MDGA2: variants seen among roughly 807,000 people sequenced by gnomAD.
The protein encoded by MDGA2 is MAM domain-containing glycosylphosphatidylinositol anchor protein 2.
A neutral mutation model predicts 117.8 loss-of-function variants in MDGA2; 40 were observed. The observed-to-expected ratio is 0.34, with a 90% CI of 0.26 to 0.44. The LOEUF is 0.44. Ranked by LOEUF, MDGA2 falls within the 20% of genes least tolerant of loss-of-function variation. MDGA2 has a pLI of 1.00. For missense variants in MDGA2, 1,123 were observed against 1,250.6 expected (o/e 0.90, Z 1.54); for synonymous variants, 452 against 439.0 (o/e 1.03, Z -0.37).
chr14:47,325,669 G>T (rs1381343547), intron 1 of MDGA2, among the ~76,000 whole-genome samples: 5 of 152,158 alleles, frequency 3.3e-5, no homozygotes, highest in Non-Finnish European at 7.4e-5. Context: ...AGTTTACTAG[G>T]CATGTGCAGG....
At chr14:46,919,271 A>G (rs73235297) in intron 10 of MDGA2, among the ~76,000 whole-genome samples, 5,791 of 152,250 alleles carry the variant, frequency 0.038, 374 homozygotes, top group African/African-American at 0.13. Flanking sequence ...GGGATAATAC[A>G]AGGTTTTGGG....
intron 10 of MDGA2, among the ~76,000 whole-genome samples, chr14:46,918,809 T>C (rs1386142857): frequency 6.7e-6 from 1 of 149,430 alleles, no homozygotes; most frequent in East Asian, 2.0e-4. Context: ...TGCCCAGAGC[T>C]GGAGTGCAGT....
chr14:47,570,570 C>T (rs1420133838), intron 1 of MDGA2, among the ~76,000 whole-genome samples: 5 of 151,912 alleles, frequency 3.3e-5, no homozygotes, highest in South Asian at 2.1e-4. Context: ...TATATATTCT[C>T]TTAAAAATAT....
intron 2 of MDGA2, among the ~76,000 whole-genome samples, chr14:47,287,741 T>C (rs868147254): frequency 6.6e-6 from 1 of 152,284 alleles, no homozygotes; most frequent in Middle Eastern, 3.4e-3. Flanking sequence ...TCCTAATTCC[T>C]AGTACCTCAC....
At chr14:47,492,218 C>T (rs1345151797) in intron 1 of MDGA2, among the ~76,000 whole-genome samples, 3 of 152,148 alleles carry the variant, frequency 2.0e-5, no homozygotes, top group East Asian at 1.9e-4. Context: ...AAGTTGATTT[C>T]GATGCAGAAT....
chr14:47,108,322 C>A (rs975302803), intron 5 of MDGA2, among the ~76,000 whole-genome samples: 1 of 152,126 alleles, frequency 6.6e-6, no homozygotes, highest in South Asian at 2.1e-4. Flanking sequence ...GAATATCAGG[C>A]CTCTGAGCCC....
chr14:47,333,627 TC>T (rs1890355088), intron 1 of MDGA2, among the ~76,000 whole-genome samples: 1 of 151,790 alleles, frequency 6.6e-6, no homozygotes, highest in South Asian at 2.1e-4. Context: ...TAATCACAGT[TC>T]CACTATCAAC....
intron 5 of MDGA2, among the ~76,000 whole-genome samples, chr14:47,120,364 G>T (rs1278802934): frequency 6.6e-6 from 1 of 152,146 alleles, no homozygotes; most frequent in Non-Finnish European, 1.5e-5. Context: ...ACTAACTGCA[G>T]ATTTATTGGA....
At chr14:47,293,595 T>C (rs1191610915) in intron 2 of MDGA2, among the ~76,000 whole-genome samples, 1 of 152,216 alleles carries the variant, frequency 6.6e-6, no homozygotes, top group Admixed American at 6.5e-5. Context: ...TTATTTAGTA[T>C]CAACGACTCA....
chr14:46,988,796 A>G (rs1886965283), intron 8 of MDGA2, among the ~76,000 whole-genome samples: 1 of 152,060 alleles, frequency 6.6e-6, no homozygotes, highest in Non-Finnish European at 1.5e-5. Context: ...AATGAGATGT[A>G]TTTCAGAATA....
At chr14:47,640,788 A>G (rs1897408634) in intron 1 of MDGA2, among the ~76,000 whole-genome samples, 1 of 152,070 alleles carries the variant, frequency 6.6e-6, no homozygotes, top group South Asian at 2.1e-4. Flanking sequence ...AAAGACTTAA[A>G]CATAATTTCT....
chr14:47,000,490 G>T (rs1016746030), intron 8 of MDGA2, among the ~76,000 whole-genome samples: 3 of 144,868 alleles, frequency 2.1e-5, no homozygotes, highest in African/African-American at 7.6e-5. Flanking sequence ...CAAGATCTTT[G>T]TAAGTTAAAT....
chr14:46,920,122 T>C lies in MDGA2; in HGVS notation c.2128A>G (p.Asn710Asp). The change falls in exon 10 of 17, where the codon AAT becomes GAT. Residue 710 changes from asparagine to aspartate, a missense_variant. Physicochemically the swap from Asn to Asp is conservative, Grantham distance 23. Coordinates refer to ENST00000399232, the MANE Select transcript of MDGA2 (RefSeq NM_001113498.3). ...CGGTGTCTGTTCTGCCATACTGGAT[T>C]GTAGGTATCATAATAGAATTCTGGA... ...YAPEFYYDTYNPVWQNRHRVY... is the reference protein window; with the variant it reads ...YAPEFYYDTYDPVWQNRHRVY... The C allele has an allele frequency of 6.2e-7, 1 of 1,610,554 alleles. No homozygotes were observed.
chr14:47,267,798 T>C (rs920373049), intron 2 of MDGA2, among the ~76,000 whole-genome samples: 1 of 152,204 alleles, frequency 6.6e-6, no homozygotes, highest in African/African-American at 2.4e-5. Flanking sequence ...TATAAATGAT[T>C]AATAATTTGA....
At chr14:47,506,979 C>G (rs1457019952) in intron 1 of MDGA2, among the ~76,000 whole-genome samples, 4 of 148,214 alleles carry the variant, frequency 2.7e-5, no homozygotes. Flanking sequence ...GAAGAAGAGA[C>G]AAAAAGGCTG....
intron 1 of MDGA2, among the ~76,000 whole-genome samples, chr14:47,494,186 T>C (rs1164583169): frequency 3.9e-5 from 6 of 152,192 alleles, no homozygotes; most frequent in Admixed American, 3.9e-4. Flanking sequence ...GTGAATCAAT[T>C]AAACCTCTTT....
intron 3 of MDGA2, among the ~76,000 whole-genome samples, chr14:47,175,764 A>G (rs1294927540): frequency 6.9e-6 from 1 of 145,554 alleles, no homozygotes. Context: ...CTCTCTCACC[A>G]CTCCTATTCA....
chr14:47,374,124 T>C (rs546680351), intron 1 of MDGA2, among the ~76,000 whole-genome samples: 2 of 152,232 alleles, frequency 1.3e-5, no homozygotes, highest in Admixed American at 1.3e-4. Flanking sequence ...TTCTTGAAAA[T>C]AGGTGTCAAT....
intron 3 of MDGA2, among the ~76,000 whole-genome samples, chr14:47,176,048 C>T (rs891117963): frequency 2.0e-5 from 3 of 152,088 alleles, no homozygotes; most frequent in Non-Finnish European, 4.4e-5. Flanking sequence ...CTCCCATTCA[C>T]AATTGCTTCA....
Sources: allele counts gnomAD v4.1 joint callset (sites outside exome capture counted in the v4.1 genomes callset), GRCh38; gene constraint gnomAD v4.1.1; transcripts MANE v1.5; gene names NCBI Gene and HGNC (gene_info 2026-07-23, HGNC 2026-07-21).